Variants in SEC14L1 observed in about 807,000 individuals in gnomAD.
The protein encoded by SEC14L1 is SEC14 like lipid binding 1, also known as SEC14-like protein 1.
SEC14L1 carries 48 observed loss-of-function variants against 85.3 expected under a neutral mutation model. That is an observed-to-expected ratio of 0.56 (90% CI 0.45 to 0.72). The LOEUF is 0.72. Ranked by LOEUF, SEC14L1 falls within the 30% of genes least tolerant of loss-of-function variation. The pLI is 0.00. For synonymous variants in SEC14L1, 391 were observed against 355.5 expected (o/e 1.10, Z -1.12); for missense variants, 682 against 921.4 (o/e 0.74, Z 3.36).
chr17:77,105,803 G>C lies in SEC14L1; in HGVS notation c.-136+12456G>C, dbSNP rs575236292. Among the ~76,000 whole-genome samples the C allele has an allele frequency of 3.3e-5, 5 of 152,266 alleles. No homozygotes were observed. The East Asian group carries it at 9.7e-4, about 29-fold the overall frequency. ...GGATGAATGGGCCCAGAGGAGCACA[G>C]GTGGGATTTATGTTAGTCTTGTGAC... On this transcript the variant is annotated intron_variant, in intron 3 of 19. Coordinates refer to the SEC14L1 transcript ENST00000392476.
chr17:77,161,864 C>T (rs1184240828), intron 3 of SEC14L1, among the ~76,000 whole-genome samples: 4 of 149,020 alleles, frequency 2.7e-5, no homozygotes, highest in East Asian at 2.0e-4. Context: ...TCCCTCCCCT[C>T]CCCTCCCCTC....
chr17:77,095,903 A>G (rs893164270), intron 3 of SEC14L1, among the ~76,000 whole-genome samples: 3 of 152,022 alleles, frequency 2.0e-5, no homozygotes, highest in African/African-American at 7.2e-5. Flanking sequence ...CCTCCTACAC[A>G]GGACTGGCAT....
chr17:77,119,370 G>A (rs528732806), intron 3 of SEC14L1, among the ~76,000 whole-genome samples: 1 of 152,010 alleles, frequency 6.6e-6, no homozygotes, highest in East Asian at 1.9e-4. Flanking sequence ...AGGGATTACG[G>A]GCGAATTCCA....
At chr17:77,101,504 T>G (rs576161488) in intron 3 of SEC14L1, among the ~76,000 whole-genome samples, 2 of 152,304 alleles carry the variant, frequency 1.3e-5, no homozygotes, top group South Asian at 4.1e-4. Context: ...ACATAATAAC[T>G]GTCATGGTTA....
At chr17:77,122,439 C>T (rs1372812897) in intron 3 of SEC14L1, among the ~76,000 whole-genome samples, 1 of 151,994 alleles carries the variant, frequency 6.6e-6, no homozygotes, top group Non-Finnish European at 1.5e-5. Context: ...GTAGCTGGGA[C>T]TACAGGTGTA....
At chr17:77,162,999 C>T (rs76739455) in intron 3 of SEC14L1, among the ~76,000 whole-genome samples, 1,856 of 152,196 alleles carry the variant, frequency 0.012, 22 homozygotes, top group South Asian at 0.046. Flanking sequence ...ATATTGGCCA[C>T]GTACCAGGGA....
intron 9 of SEC14L1, among the ~76,000 whole-genome samples, chr17:77,201,570 C>T (rs1281777399): frequency 6.6e-6 from 1 of 151,940 alleles, no homozygotes; most frequent in Admixed American, 6.6e-5. Context: ...CCCGCCTCAG[C>T]CTCCCGAGTA....
intron 1 of SEC14L1, 70 bp downstream of exon 1, chr17:77,141,177 C>T (rs1973004085): frequency 6.6e-6 from 1 of 151,982 alleles, no homozygotes; most frequent in African/African-American, 2.4e-5. Context: ...AGTCCGGCGC[C>T]TCTCGGGCGG....
chr17:77,090,291 C>CA (rs541086562), intron 2 of SEC14L1, among the ~76,000 whole-genome samples: 447 of 112,076 alleles, frequency 4.0e-3, no homozygotes, highest in African/African-American at 7.8e-3. Context: ...GACTCCATCT[C>CA]AAAAAAAAAA....
At chr17:77,122,549 T>C (rs620100) in intron 3 of SEC14L1, among the ~76,000 whole-genome samples, 152,363 of 152,364 alleles carry the variant, frequency 1, 76,181 homozygotes, top group Non-Finnish European at 1. Context: ...AGGAGCAATC[T>C]TCCTGCCTTT....
chr17:77,195,856 T>G (rs1975785143), intron 7 of SEC14L1, among the ~76,000 whole-genome samples: 1 of 152,176 alleles, frequency 6.6e-6, no homozygotes, highest in Non-Finnish European at 1.5e-5. Flanking sequence ...TTCCATAAAT[T>G]TTATATCTTG....
Position 77,216,505 on chromosome 17 carries a change from T to G in SEC14L1, c.*2482T>G. ...TTCCTGTTCCCAAATCACAAGGGCC[T>G]GAAGGTGGTCCCTGCTTTCTCTTTC... On this transcript the variant is annotated 3_prime_UTR_variant, in exon 17 of 17. Transcript: ENST00000436233. The G allele has an allele frequency of 6.2e-7, 1 of 1,613,078 alleles. No individual in the cohort carries two copies. Among genetic ancestry groups the G allele is most frequent in the Non-Finnish European group, 8.5e-7 (1 of 1,179,316 alleles).
At chr17:77,140,552 G>A (rs1972950785), upstream of SEC14L1, among the ~76,000 whole-genome samples, 1 of 152,244 alleles carries the variant, frequency 6.6e-6, no homozygotes, top group South Asian at 2.1e-4. Flanking sequence ...GAGGGCCCCG[G>A]TGGTTTTGAC....
chr17:77,213,780 A>C lies in SEC14L1; in HGVS notation c.2043-138A>C. 1 of 1,158,928 alleles carries C rather than the reference A, an allele frequency of 8.6e-7. No homozygotes were observed. The highest frequency in any genetic ancestry group is 1.3e-6 in the Non-Finnish European group (1 of 786,554). The allele number at this position is 1,158,928 out of a possible 1,614,324, so 71.8% of individuals were successfully genotyped here. On this transcript the variant is annotated intron_variant, in intron 16 of 16. Transcript: ENST00000436233. This position sits in a 1 kb window ranked among gnomAD's most constrained non-coding sequence, Gnocchi z 7.1. ...TCCCCCTGGTGGGTTACTCATGTCC[A>C]TCCCCCGTTTGCAAGCACTGATGGG...
Position 77,178,661 on chromosome 17 carries a change from C to T in SEC14L1, c.64-12142C>T, listed in dbSNP as rs554417466. Among the ~76,000 whole-genome samples the T allele has an allele frequency of 1.2e-3, 188 of 152,274 alleles. 1 individual carries two copies. The highest frequency in any genetic ancestry group is 4.2e-3 in the African/African-American group (173 of 41,546). On this transcript the variant is annotated intron_variant, in intron 3 of 16. Coordinates refer to ENST00000436233, the MANE Select transcript of SEC14L1 (RefSeq NM_001143998.2). ...GATCATCAGGCATTGGATTCTCTTACGGAGCATGCAGCTTACAGAGCGTGC... is the reference window on the plus strand; with the variant it reads ...GATCATCAGGCATTGGATTCTCTTATGGAGCATGCAGCTTACAGAGCGTGC...
chr17:77,187,022 C>G (rs1273912349), intron 3 of SEC14L1, among the ~76,000 whole-genome samples: 1 of 152,142 alleles, frequency 6.6e-6, no homozygotes, highest in Non-Finnish European at 1.5e-5. Flanking sequence ...AGTTCAAAGT[C>G]TGAAATGCTC....
intron 1 of SEC14L1, chr17:77,141,631 G>T (rs1323837234): frequency 6.6e-6 from 1 of 152,228 alleles, no homozygotes; most frequent in African/African-American, 2.4e-5. Flanking sequence ...TTGTCACTCC[G>T]GATGCCCGCG....
chr17:77,135,527 C>T (rs1482010931), intron 3 of SEC14L1, among the ~76,000 whole-genome samples: 1 of 152,062 alleles, frequency 6.6e-6, no homozygotes, highest in Non-Finnish European at 1.5e-5. Context: ...TCTTTGTCTT[C>T]CTTCCTTCCT....
chr17:77,122,785 A>G (rs1473851582), intron 3 of SEC14L1, among the ~76,000 whole-genome samples: 1 of 152,232 alleles, frequency 6.6e-6, no homozygotes, highest in Admixed American at 6.5e-5. Flanking sequence ...CAGAGCAGCA[A>G]CGCCACCCAA....
Sources: allele counts gnomAD v4.1 joint callset (sites outside exome capture counted in the v4.1 genomes callset), GRCh38; gene constraint gnomAD v4.1.1; non-coding constraint Gnocchi (gnomAD v3.1); transcripts MANE v1.5; gene names NCBI Gene and HGNC (gene_info 2026-07-23, HGNC 2026-07-21).